The following MBD5 variants were observed in gnomAD, a reference collection of about 807,000 sequenced individuals.
MBD5 encodes the protein methyl-CpG-binding domain protein 5.
MBD5 carries 13 observed loss-of-function variants against 117.3 expected under a neutral mutation model. The observed-to-expected ratio is 0.11, with a 90% CI of 0.07 to 0.18. The LOEUF is 0.18. Ranked by LOEUF, MBD5 falls within the 10% of genes least tolerant of loss-of-function variation. The pLI, the probability that MBD5 is intolerant of heterozygous loss-of-function variation, is 1.00. For missense variants in MBD5, 1,879 were observed against 2,093.8 expected, an observed-to-expected ratio of 0.90 and a Z score of 2.00; for synonymous variants, 727 against 766.4, an observed-to-expected ratio of 0.95 and a Z score of 0.85.
Position 148,458,694 on chromosome 2 carries a change from C to G in MBD5, c.-65C>G. ...TGGCCCACTTTTGAAGGCCATCATG[C>G]TCTGTAATATAAGGATATCATCTTA... On this transcript the variant is annotated 5_prime_UTR_variant, in exon 5 of 14. Transcript: ENST00000642680. 2 of 1,394,480 alleles carry G rather than the reference C, an allele frequency of 1.4e-6. No homozygotes were observed. Among genetic ancestry groups the G allele is most frequent in the Admixed American group, 3.4e-5 (2 of 59,380 alleles). The allele number at this position is 1,394,480 out of a possible 1,614,324, so 86.4% of individuals were successfully genotyped here.
At position 148,258,635 on chromosome 2, in the gene MBD5, CGCAGCAGTGTAT is replaced by C. The variant is rs1700652360; in HGVS notation, c.-680+25241_-680+25252del. Among the ~76,000 whole-genome samples the C allele has an allele frequency of 4.6e-5, 7 of 152,278 alleles. 1 individual carries two copies. Among genetic ancestry groups the C allele is most frequent in the Admixed American group, 3.9e-4 (6 of 15,298 alleles). ...AAAGCACCCGGGTGGGACCGGGTGGCGCAGCAGTGTATTTCTCCCCCTTGGGCATTTTCTGGA... is the reference window on the plus strand; with the variant it reads ...AAAGCACCCGGGTGGGACCGGGTGGCTTCTCCCCCTTGGGCATTTTCTGGA... On this transcript the variant is annotated intron_variant, in intron 3 of 13. Coordinates refer to ENST00000642680, the MANE Select transcript of MBD5 (RefSeq NM_001378120.1).
intron 1 of MBD5, among the ~76,000 whole-genome samples, chr2:148,115,295 G>C (rs1053688650): frequency 1.3e-5 from 2 of 152,126 alleles, no homozygotes; most frequent in Non-Finnish European, 2.9e-5. Flanking sequence ...TAGTGGAATT[G>C]TTATTGGTGA....
intron 4 of MBD5, among the ~76,000 whole-genome samples, chr2:148,385,602 A>G (rs886956778): frequency 3.3e-5 from 5 of 152,230 alleles, no homozygotes; most frequent in East Asian, 1.9e-4. Flanking sequence ...CAGCCATCCC[A>G]TTACTGGGTA....
At chr2:148,023,499 G>T (rs967177065) in intron 1 of MBD5, among the ~76,000 whole-genome samples, 2 of 151,970 alleles carry the variant, frequency 1.3e-5, no homozygotes, top group Admixed American at 6.5e-5. Flanking sequence ...ACCTTTCTCT[G>T]AGATGTAATT....
intron 5 of MBD5, among the ~76,000 whole-genome samples, chr2:148,459,727 G>T (rs1173199874): frequency 1.3e-5 from 2 of 152,142 alleles, no homozygotes; most frequent in African/African-American, 2.4e-5. Context: ...AGTCCAGCAA[G>T]AATGTATTCA....
chr2:148,446,558 C>T (rs1706532322), intron 4 of MBD5, among the ~76,000 whole-genome samples: 1 of 150,106 alleles, frequency 6.7e-6, no homozygotes. Flanking sequence ...TAACACAGAC[C>T]ATCTATATTT....
intron 4 of MBD5, among the ~76,000 whole-genome samples, chr2:148,386,197 T>C (rs867395360): frequency 6.6e-6 from 1 of 151,958 alleles, no homozygotes; most frequent in African/African-American, 2.4e-5. Flanking sequence ...CAAAAGCTTT[T>C]AAAAAAGTAA....
intron 11 of MBD5, among the ~76,000 whole-genome samples, chr2:148,493,923 A>G (rs2105161158): frequency 6.6e-6 from 1 of 152,344 alleles, no homozygotes; most frequent in East Asian, 1.9e-4. Context: ...TAGCTCTGCC[A>G]GTTACCTAAG....
At chr2:148,424,358 A>G (rs187586449) in intron 4 of MBD5, among the ~76,000 whole-genome samples, 2 of 152,080 alleles carry the variant, frequency 1.3e-5, no homozygotes, top group South Asian at 2.1e-4. Context: ...TATGCACCCA[A>G]TACGGGAGCA....
chr2:148,350,604 G>T (rs1703227305), intron 4 of MBD5, among the ~76,000 whole-genome samples: 1 of 151,924 alleles, frequency 6.6e-6, no homozygotes, highest in Admixed American at 6.6e-5. Flanking sequence ...AGAATGCAAT[G>T]GTCTCTGAAA....
chr2:148,330,088 T>TACACACACACAC (rs377202803), intron 3 of MBD5, among the ~76,000 whole-genome samples: 2,262 of 40,344 alleles, frequency 0.056, 170 homozygotes, highest in African/African-American at 0.14. Context: ...CCTCCTGCCA[T>TACACACACACAC]ACACACACAC....
At chr2:148,137,008 T>A (rs1232179412) in intron 1 of MBD5, among the ~76,000 whole-genome samples, 3 of 152,178 alleles carry the variant, frequency 2.0e-5, no homozygotes, top group Non-Finnish European at 4.4e-5. Flanking sequence ...GTGATCAGAC[T>A]GCCTCAGCCT....
intron 4 of MBD5, among the ~76,000 whole-genome samples, chr2:148,404,390 C>T (rs1241775680): frequency 2.6e-5 from 4 of 152,148 alleles, no homozygotes; most frequent in Non-Finnish European, 5.9e-5. Flanking sequence ...GACTTTCTTT[C>T]AAGCAATTAT....
At position 148,217,363 on chromosome 2, in the gene MBD5, G is replaced by A. The variant is rs929111864; in HGVS notation, c.-830-15882G>A. On this transcript the variant is annotated intron_variant, in intron 2 of 13. Coordinates refer to ENST00000642680, the MANE Select transcript of MBD5 (RefSeq NM_001378120.1). ...CACACCAAAGATGAGGAGAGAGGGAGCCTTGTGCTCTCTCTCTGCATCTGA... is the reference window on the plus strand; with the variant it reads ...CACACCAAAGATGAGGAGAGAGGGAACCTTGTGCTCTCTCTCTGCATCTGA... 9.2e-5 allele frequency among the ~76,000 whole-genome samples: 14 copies of A among 152,328 alleles called. 1 individual carries two copies. Among genetic ancestry groups the A allele is most frequent in the Admixed American group, 8.5e-4 (13 of 15,298 alleles).
chr2:148,290,968 C>A (rs1372730354), intron 3 of MBD5, among the ~76,000 whole-genome samples: 1 of 152,176 alleles, frequency 6.6e-6, no homozygotes, highest in Non-Finnish European at 1.5e-5. Context: ...CATTTACAGT[C>A]CTACCAAGAG....
chr2:148,087,264 A>T (rs1251474579), intron 1 of MBD5, among the ~76,000 whole-genome samples: 1 of 152,236 alleles, frequency 6.6e-6, no homozygotes, highest in Non-Finnish European at 1.5e-5. Flanking sequence ...CTGGAGGCCA[A>T]CCAACTCAGG....
chr2:148,100,010 C>A (rs1020235750), intron 1 of MBD5, among the ~76,000 whole-genome samples: 5 of 152,158 alleles, frequency 3.3e-5, no homozygotes, highest in African/African-American at 1.2e-4. Context: ...GATAATTAAA[C>A]AACTGGAATA....
rs748052337 is a variant in MBD5 at position 148,469,093 on chromosome 2, A to G, written c.1150A>G (p.Asn384Asp). 1.9e-6 allele frequency: 3 copies of G among 1,613,998 alleles called. No individual in the cohort carries two copies. The highest frequency in any genetic ancestry group is 2.2e-5 in the East Asian group (1 of 44,856). The change falls in exon 8 of 14, where the codon AAT becomes GAT. Residue 384 changes from asparagine (N) to aspartate (D), a missense_variant. This residue lies in a region of MBD5 where 1,666 missense variants were observed against 1,792.2 expected (regional missense o/e 0.93). Transcript: ENST00000642680. ...CATTAATCCAACCAGTTTCCATTCAAATGTCCACTCTCAGGTACCTATGAT... is the reference window on the plus strand; with the variant it reads ...CATTAATCCAACCAGTTTCCATTCAGATGTCCACTCTCAGGTACCTATGAT... ...VIINPTSFHS[N>D]VHSQVPMMNV...
At chr2:148,072,577 A>T (rs987468287) in intron 1 of MBD5, among the ~76,000 whole-genome samples, 2 of 152,146 alleles carry the variant, frequency 1.3e-5, no homozygotes, top group Non-Finnish European at 2.9e-5. Flanking sequence ...TCAGCGGTAA[A>T]TTGAATGATT....
Sources: gnomAD v4.1 joint callset for allele counts (sites outside exome capture counted in the v4.1 genomes callset) on GRCh38, gnomAD v4.1.1 for gene constraint, gnomAD v4.1.1 regional missense constraint, MANE v1.5 for transcripts, NCBI Gene and HGNC (gene_info 2026-07-23, HGNC 2026-07-21) for gene names.